LRBA: variants seen among roughly 807,000 people sequenced by gnomAD.
LRBA encodes the protein LPS responsive beige-like anchor protein.
In LRBA, 176 loss-of-function variants were observed where a neutral mutation model predicts 330.0. The observed-to-expected ratio is 0.53, with a 90% CI of 0.47 to 0.60. The LOEUF (loss-of-function observed/expected upper bound fraction) is 0.60. LRBA is among the 20% of genes least tolerant of loss of function. The probability of loss-of-function intolerance (pLI) is 0.00; values close to 1 mark genes in which losing one functional copy is unlikely to be tolerated. For synonymous variants in LRBA, 1,230 were observed against 1,193.0 expected, an observed-to-expected ratio of 1.03 and a Z score of -0.64; for missense variants, 3,259 against 3,444.8, an observed-to-expected ratio of 0.95 and a Z score of 1.35.
At chr4:150,869,762 T>C (rs963405590) in intron 20 of LRBA, among the ~76,000 whole-genome samples, 1 of 151,816 alleles carries the variant, frequency 6.6e-6, no homozygotes, top group Admixed American at 6.6e-5. Flanking sequence ...CTTTTAAAAA[T>C]ATGCACTTAG....
At chr4:150,881,726 C>T (rs955944406) in intron 17 of LRBA, among the ~76,000 whole-genome samples, 12 of 152,126 alleles carry the variant, frequency 7.9e-5, no homozygotes, top group African/African-American at 2.9e-4. Context: ...CTGTAACACA[C>T]TAAGATATTT....
In LRBA at chr4:150,583,660, C is replaced by A. The variant is rs1473612870; in HGVS notation, c.6330+4388G>T. On this transcript the variant is annotated intron_variant, in intron 40 of 56. Coordinates refer to ENST00000651943, the MANE Select transcript of LRBA (RefSeq NM_001364905.1). The surrounding 1 kb of genome is among the most constrained non-coding windows in gnomAD (Gnocchi z 9.8). ...GGTCAAGGCCGAAGGGTTCAACTTG[C>A]TCTCGAAGGAGTGCTACTCGCTGAC... The A allele has an allele frequency of 1.6e-5, 26 of 1,613,964 alleles. No homozygotes were observed. Among genetic ancestry groups the A allele is most frequent in the Non-Finnish European group, 2.2e-5 (26 of 1,179,998 alleles).
chr4:150,755,508 T>C (rs112947338), intron 35 of LRBA, among the ~76,000 whole-genome samples: 6 of 152,294 alleles, frequency 3.9e-5, no homozygotes, highest in African/African-American at 7.2e-5. Flanking sequence ...ACTATAATTA[T>C]AGGTTGTTTT....
intron 40 of LRBA, among the ~76,000 whole-genome samples, chr4:150,553,056 G>A (rs1006598824): frequency 1.9e-4 from 29 of 150,330 alleles, no homozygotes; most frequent in South Asian, 1.1e-3. Flanking sequence ...GCGACAGAGC[G>A]AGGCTCTGTC....
At chr4:150,851,003 G>A (rs975987943) in intron 23 of LRBA, 101 bp from the exon 24 acceptor site, 22 of 770,214 alleles carry the variant, frequency 2.9e-5, no homozygotes, top group African/African-American at 5.3e-5. Context: ...CATCTAACAC[G>A]TTTTTAAGAC....
Position 150,852,328 on chromosome 4 carries a change from C to G in LRBA, c.3382G>C (p.Glu1128Gln). 6.2e-7 allele frequency: 1 copy of G among 1,614,034 alleles called. No homozygotes were observed. The highest frequency in any genetic ancestry group is 8.5e-7 in the Non-Finnish European group (1 of 1,180,024). The stretch of plus-strand genomic sequence containing the variant: ...GGAGACAAACTGTTATCTTGGAGCT[C>G]TGTGGGTAGATTAGCTTCCTCAGTA... ...SPTEEANLPT[E>Q]LQDNSLSPAA... Residue 1128 changes from glutamate (E) to glutamine (Q), a missense_variant, in exon 23 of 57, where the codon GAG becomes CAG. Transcript: ENST00000651943.
chr4:150,424,784 C>G (rs1179319705), intron 46 of LRBA, among the ~76,000 whole-genome samples: 1 of 152,252 alleles, frequency 6.6e-6, no homozygotes, highest in East Asian at 1.9e-4. Context: ...CAGAAAGTGG[C>G]CCCGGCCATG....
At position 150,769,334 on chromosome 4, in the gene LRBA, A is replaced by G. The variant is rs142433953; in HGVS notation, c.5581-7487T>C. On this transcript the variant is annotated intron_variant, in intron 34 of 56. Coordinates refer to ENST00000651943, the MANE Select transcript of LRBA (RefSeq NM_001364905.1). ...AAGAGAGAGAGACAGAGAGAGACAC[A>G]GACAGAGAGACACAGAGACAGAGAG... 7.8e-3 allele frequency among the ~76,000 whole-genome samples: 1,190 copies of G among 152,238 alleles called. 6 individuals carry two copies. The highest frequency in any genetic ancestry group is 0.012 in the Non-Finnish European group (832 of 68,008).
chr4:150,776,156 A>G (rs182886243), intron 34 of LRBA, among the ~76,000 whole-genome samples: 3 of 152,198 alleles, frequency 2.0e-5, no homozygotes, highest in Admixed American at 2.0e-4. Flanking sequence ...AAAAATCAAG[A>G]AACAGTAATT....
intron 17 of LRBA, among the ~76,000 whole-genome samples, chr4:150,873,601 C>A (rs914908272): frequency 1.9e-4 from 28 of 147,240 alleles, no homozygotes; most frequent in South Asian, 2.1e-4. Flanking sequence ...AAAAAAAAAA[C>A]AAACAAACAA....
At chr4:150,615,891 G>A (rs1420987947) in intron 37 of LRBA, among the ~76,000 whole-genome samples, 1 of 152,084 alleles carries the variant, frequency 6.6e-6, no homozygotes, top group Admixed American at 6.6e-5. Flanking sequence ...ACATACAACT[G>A]GCCATGCTCT....
At chr4:150,375,662 A>G (rs1042966641) in intron 47 of LRBA, among the ~76,000 whole-genome samples, 2 of 147,708 alleles carry the variant, frequency 1.4e-5, no homozygotes, top group Non-Finnish European at 3.0e-5. Flanking sequence ...ACGGGATTTC[A>G]CCATGTTGGC....
intron 17 of LRBA, 98 bp from the exon 18 acceptor site, chr4:150,872,853 A>C: frequency 1.9e-6 from 1 of 524,996 alleles, no homozygotes; most frequent in Non-Finnish European, 3.3e-6. Flanking sequence ...AATCTATTTC[A>C]AATAATATGG....
intron 40 of LRBA, among the ~76,000 whole-genome samples, chr4:150,537,942 G>A (rs900476859): frequency 4.0e-5 from 6 of 151,824 alleles, no homozygotes; most frequent in Admixed American, 1.3e-4. Context: ...GTGACAGAGC[G>A]AGACTCTGTC....
intron 37 of LRBA, among the ~76,000 whole-genome samples, chr4:150,647,597 C>G (rs1371472743): frequency 3.3e-5 from 5 of 151,708 alleles, no homozygotes; most frequent in African/African-American, 4.8e-5. Context: ...CAGGGTCTCC[C>G]TATGTTGCCC....
chr4:150,503,581 A>T (rs1037663168), intron 40 of LRBA, among the ~76,000 whole-genome samples: 7 of 152,100 alleles, frequency 4.6e-5, no homozygotes, highest in African/African-American at 1.7e-4. Flanking sequence ...CACACAAAAA[A>T]CCCATCAGGA....
intron 37 of LRBA, among the ~76,000 whole-genome samples, chr4:150,658,194 T>A (rs1158025499): frequency 2.2e-5 from 1 of 45,576 alleles, no homozygotes; most frequent in Non-Finnish European, 1.6e-4. Flanking sequence ...TGAAAATAGA[T>A]TCCCCCCCTT....
At chr4:150,340,397 T>C (rs1271384831) in intron 48 of LRBA, among the ~76,000 whole-genome samples, 1 of 152,244 alleles carries the variant, frequency 6.6e-6, no homozygotes, top group African/African-American at 2.4e-5. Context: ...CAGTATCTGT[T>C]TTCTCATACT....
At chr4:150,881,986 T>C (rs566603360) in intron 17 of LRBA, among the ~76,000 whole-genome samples, 7 of 152,072 alleles carry the variant, frequency 4.6e-5, no homozygotes, top group Non-Finnish European at 8.8e-5. Flanking sequence ...CTCTGGAGGC[T>C]GAGGCAGGAG....
Sources: gnomAD v4.1 joint callset for allele counts (sites outside exome capture counted in the v4.1 genomes callset) on GRCh38, gnomAD v4.1.1 for gene constraint, Gnocchi (gnomAD v3.1) non-coding constraint, MANE v1.5 for transcripts, NCBI Gene and HGNC (gene_info 2026-07-23, HGNC 2026-07-21) for gene names.